TFDP2: variants seen among roughly 807,000 people sequenced by gnomAD.
TFDP2 encodes transcription factor Dp-2.
Under a neutral mutation model 59.3 loss-of-function variants are expected in TFDP2, and 17 were observed. The ratio of observed to expected loss-of-function variants is 0.29; its 90% CI spans 0.20 to 0.43. TFDP2 has a LOEUF of 0.43. Among genes scored for constraint, TFDP2 ranks in the 20% least tolerant of loss-of-function variants. The pLI is 1.00. For missense variants in TFDP2, 391 were observed against 528.8 expected (o/e 0.74, Z 2.56); for synonymous variants, 180 against 194.7 (o/e 0.92, Z 0.63).
chr3:142,101,861 G>A lies in TFDP2; in HGVS notation c.-92-20C>T, dbSNP rs2061326826. 8 of 543,618 alleles carry A rather than the reference G, an allele frequency of 1.5e-5. No homozygotes were observed. The highest frequency in any genetic ancestry group is 5.9e-5 in the East Asian group (2 of 34,052). 33.7% of individuals were successfully genotyped at this position (543,618 alleles called of 1,614,324 possible). A position where few individuals can be genotyped will look rare whatever the true frequency, so the allele number is the denominator to read the frequency against. ...AACAACCTGTTAAAGGAAAACAGAGGGAATAGTAATGTAATAATAATAATA... is the reference window on the plus strand; with the variant it reads ...AACAACCTGTTAAAGGAAAACAGAGAGAATAGTAATGTAATAATAATAATA... On this transcript the variant is annotated intron_variant, in intron 1 of 12. Coordinates refer to ENST00000489671, the MANE Select transcript of TFDP2 (RefSeq NM_001178139.2).
intron 1 of TFDP2, chr3:142,145,601 T>C (rs1413564089): frequency 6.6e-6 from 1 of 152,098 alleles, no homozygotes; most frequent in Non-Finnish European, 1.5e-5. Context: ...CAGCCGGGTA[T>C]GGTGGCAAGC....
chr3:141,980,688 C>A (rs1191708612), intron 6 of TFDP2, among the ~76,000 whole-genome samples: 1 of 152,022 alleles, frequency 6.6e-6, no homozygotes, highest in African/African-American at 2.4e-5. Context: ...GGCGCCTACC[C>A]CCATGACTGG....
chr3:142,007,428 T>C (rs1473831424), intron 3 of TFDP2, among the ~76,000 whole-genome samples: 10 of 152,076 alleles, frequency 6.6e-5, no homozygotes, highest in African/African-American at 2.2e-4. Flanking sequence ...CTGACCACCA[T>C]ATTTGTTATT....
At chr3:141,964,666 A>C (rs78519009) in intron 9 of TFDP2, among the ~76,000 whole-genome samples, 11,360 of 151,852 alleles carry the variant, frequency 0.075, 526 homozygotes, top group Non-Finnish European at 0.11. Flanking sequence ...CAAAACAAAA[A>C]AAAACTCATG....
chr3:141,992,617 C>T (rs769168535), intron 6 of TFDP2, among the ~76,000 whole-genome samples: 4 of 152,194 alleles, frequency 2.6e-5, no homozygotes, highest in Non-Finnish European at 5.9e-5. Flanking sequence ...CATTTCATTT[C>T]TATGATACAG....
At chr3:142,077,176 A>G (rs2060487330) in intron 3 of TFDP2, among the ~76,000 whole-genome samples, 1 of 152,220 alleles carries the variant, frequency 6.6e-6, no homozygotes, top group Non-Finnish European at 1.5e-5. Flanking sequence ...CCCAGTGGTC[A>G]GAACTTGAGT....
chr3:142,073,302 C>A (rs2060312415), intron 3 of TFDP2, among the ~76,000 whole-genome samples: 1 of 152,078 alleles, frequency 6.6e-6, no homozygotes, highest in East Asian at 1.9e-4. Context: ...TTGTACGCTA[C>A]TGATAGTAGG....
At chr3:142,049,046 C>T (rs982403268) in intron 3 of TFDP2, among the ~76,000 whole-genome samples, 1 of 152,102 alleles carries the variant, frequency 6.6e-6, no homozygotes, top group Non-Finnish European at 1.5e-5. Context: ...ACTCAAAACA[C>T]AGCAGATTTC....
intron 11 of TFDP2, among the ~76,000 whole-genome samples, chr3:141,953,410 G>A (rs1936165894): frequency 6.6e-6 from 1 of 152,120 alleles, no homozygotes; most frequent in South Asian, 2.1e-4. Flanking sequence ...AAAGCCAGAA[G>A]TGGGAAAAGA....
At chr3:142,119,942 C>T (rs1202410557) in intron 1 of TFDP2, among the ~76,000 whole-genome samples, 5 of 151,318 alleles carry the variant, frequency 3.3e-5, no homozygotes, top group South Asian at 4.2e-4. Context: ...CCCAGCTACT[C>T]GGGAGGCTGA....
At chr3:142,007,419 T>C (rs1046895003) in intron 3 of TFDP2, among the ~76,000 whole-genome samples, 1 of 152,178 alleles carries the variant, frequency 6.6e-6, no homozygotes, top group African/African-American at 2.4e-5. Context: ...CTCATTCAAC[T>C]GACCACCATA....
intron 1 of TFDP2, among the ~76,000 whole-genome samples, chr3:142,104,446 T>C (rs2061411881): frequency 6.6e-6 from 1 of 152,184 alleles, no homozygotes; most frequent in Non-Finnish European, 1.5e-5. Flanking sequence ...AACATCTCTT[T>C]AGGCACAAAT....
chr3:142,118,371 A>C (rs2061918079), intron 1 of TFDP2, among the ~76,000 whole-genome samples: 1 of 152,214 alleles, frequency 6.6e-6, no homozygotes. Context: ...TTTTCTGCTG[A>C]TGATTTTCTC....
rs1312177203 is a variant in TFDP2, at chr3:141,948,593, G to C, written c.*3920C>G. 1 of 151,332 alleles carries C rather than the reference G, an allele frequency of 6.6e-6. No homozygotes were observed. The highest frequency in any genetic ancestry group is 1.5e-5 in the Non-Finnish European group (1 of 68,358). The allele number at this position is 151,332 out of a possible 1,614,324, so 9.4% of individuals were successfully genotyped here. On this transcript the variant is annotated 3_prime_UTR_variant, in exon 13 of 13. Coordinates refer to ENST00000489671, the MANE Select transcript of TFDP2 (RefSeq NM_001178139.2). ...CCCCACCGTGCCCCCCTCTCTCAGTGTGGTTATGGCAGGAATAGCTGAGGT... is the reference window on the plus strand; with the variant it reads ...CCCCACCGTGCCCCCCTCTCTCAGTCTGGTTATGGCAGGAATAGCTGAGGT...
chr3:142,017,246 T>C (rs1423632345), intron 3 of TFDP2, among the ~76,000 whole-genome samples: 2 of 152,226 alleles, frequency 1.3e-5, no homozygotes, highest in East Asian at 3.8e-4. Context: ...ACTCTCAGAA[T>C]GTTAAGTTCT....
At chr3:142,024,835 C>T (rs7644155) in intron 3 of TFDP2, among the ~76,000 whole-genome samples, 114,199 of 151,864 alleles carry the variant, frequency 0.75, 42,935 homozygotes, top group South Asian at 0.8. Flanking sequence ...GCCTGGCCAA[C>T]ATGGTGAAAT....
intron 7 of TFDP2, among the ~76,000 whole-genome samples, chr3:141,975,634 C>T (rs2108035156): frequency 6.9e-6 from 1 of 145,542 alleles, no homozygotes; most frequent in South Asian, 2.2e-4. Context: ...ATGGAGGTTG[C>T]AGTGAGCCAA....
chr3:141,959,167 G>T (rs186072081), intron 11 of TFDP2, among the ~76,000 whole-genome samples: 1 of 152,004 alleles, frequency 6.6e-6, no homozygotes, highest in African/African-American at 2.4e-5. Flanking sequence ...TGTTGGCCAG[G>T]CTGGTCTCGA....
intron 3 of TFDP2, among the ~76,000 whole-genome samples, chr3:142,018,933 T>TTTTG (rs963116332): frequency 2.0e-5 from 3 of 150,704 alleles, no homozygotes; most frequent in African/African-American, 7.3e-5. Flanking sequence ...TGGTGAGTTT[T>TTTTG]TTTTTTTTTT....
Sources: gnomAD v4.1 joint callset for allele counts (sites outside exome capture counted in the v4.1 genomes callset) on GRCh38, gnomAD v4.1.1 for gene constraint, MANE v1.5 for transcripts, NCBI Gene and HGNC (gene_info 2026-07-23, HGNC 2026-07-21) for gene names.